EYS: variants seen among roughly 807,000 people sequenced by gnomAD.
EYS encodes EGF-like photoreceptor maintenance factor, also known as protein eyes shut homolog.
EYS carries 250 observed loss-of-function variants against 282.1 expected under a neutral mutation model. The ratio of observed to expected loss-of-function variants is 0.89; its 90% CI spans 0.80 to 0.98. The LOEUF is 0.98. Ranked by LOEUF, EYS falls within the 50% of genes least tolerant of loss-of-function variation. The pLI, the probability that EYS is intolerant of heterozygous loss-of-function variation, is 0.00. For missense variants in EYS, 4,016 were observed against 3,709.0 expected, an observed-to-expected ratio of 1.08 and a Z score of -2.15; for synonymous variants, 1,355 against 1,282.9, an observed-to-expected ratio of 1.06 and a Z score of -1.20.
chr6:65,627,685 G>A (rs1429868067), intron 2 of EYS, among the ~76,000 whole-genome samples: 3 of 152,164 alleles, frequency 2.0e-5, no homozygotes, highest in African/African-American at 7.2e-5. Context: ...CTTAGCACCC[G>A]GGCCAGTGGC....
At chr6:63,879,304 C>A (rs939755215) in intron 35 of EYS, among the ~76,000 whole-genome samples, 1 of 152,026 alleles carries the variant, frequency 6.6e-6, no homozygotes, top group Non-Finnish European at 1.5e-5. Context: ...AATAAGTTAT[C>A]AATATAACTT....
rs180951158 is a variant in EYS, at chr6:65,300,146, A to G, written c.1767-4027T>C. ...TACTTCCCCATGTCCCTCAATATGCAAAATACATTGGATATTCTCTCAGCC... is the reference window on the plus strand; with the variant it reads ...TACTTCCCCATGTCCCTCAATATGCGAAATACATTGGATATTCTCTCAGCC... On this transcript the variant is annotated intron_variant, in intron 11 of 42. Coordinates refer to ENST00000503581, the MANE Select transcript of EYS (RefSeq NM_001142800.2). Among the ~76,000 whole-genome samples the G allele has an allele frequency of 5.4e-4, 82 of 152,252 alleles. No homozygotes were observed. In the East Asian group the frequency reaches 0.015, roughly 27 times the overall value.
chr6:64,640,512 C>T (rs9689484), intron 22 of EYS, among the ~76,000 whole-genome samples: 89,687 of 149,540 alleles, frequency 0.6, 27,069 homozygotes, highest in South Asian at 0.68. Flanking sequence ...AGATGGGAAT[C>T]GAACAATGAG....
At chr6:63,988,237 C>T (rs1474887698) in intron 34 of EYS, among the ~76,000 whole-genome samples, 1 of 151,636 alleles carries the variant, frequency 6.6e-6, no homozygotes, top group African/African-American at 2.4e-5. Context: ...CTTCCTCTCA[C>T]TGAGGATCTC....
intron 12 of EYS, among the ~76,000 whole-genome samples, chr6:65,120,179 T>TA (rs1161824709): frequency 7.1e-6 from 1 of 140,198 alleles, no homozygotes; most frequent in Non-Finnish European, 1.6e-5. Context: ...AAAACAAATT[T>TA]AAAAAAAACC....
intron 30 of EYS, among the ~76,000 whole-genome samples, chr6:64,235,262 CCA>C (rs897054068): frequency 1.3e-5 from 2 of 148,156 alleles, no homozygotes; most frequent in African/African-American, 5.0e-5. Flanking sequence ...ACAACAGTCC[CCA>C]GAGTGTGATG....
Position 64,368,833 on chromosome 6 carries a change from A to G in EYS, c.6078+19857T>C, listed in dbSNP as rs114731742. ...TTTGCTGTATGCATAGTTTTCAAATATTTTCCCTCATTCTGTAGTTTGTTG... is the reference window on the plus strand; with the variant it reads ...TTTGCTGTATGCATAGTTTTCAAATGTTTTCCCTCATTCTGTAGTTTGTTG... On this transcript the variant is annotated intron_variant, in intron 29 of 42. Transcript: ENST00000503581. 9.0e-3 allele frequency among the ~76,000 whole-genome samples: 1,363 copies of G among 152,052 alleles called. 19 individuals are homozygous for G. The highest frequency in any genetic ancestry group is 0.031 in the African/African-American group (1,266 of 41,480).
At chr6:63,865,771 A>C (rs932709490) in intron 35 of EYS, among the ~76,000 whole-genome samples, 3 of 152,120 alleles carry the variant, frequency 2.0e-5, no homozygotes, top group Non-Finnish European at 4.4e-5. Flanking sequence ...TTTTCATCAT[A>C]ATGAGACCTG....
intron 36 of EYS, among the ~76,000 whole-genome samples, chr6:63,853,326 C>T (rs183343188): frequency 1.3e-5 from 2 of 152,196 alleles, no homozygotes; most frequent in East Asian, 1.9e-4. Context: ...ACAAGAATTC[C>T]TATACGTCAA....
At chr6:65,472,787 A>AT (rs1765262216) in intron 5 of EYS, among the ~76,000 whole-genome samples, 1 of 151,808 alleles carries the variant, frequency 6.6e-6, no homozygotes, top group Admixed American at 6.6e-5. Flanking sequence ...AAAACTCACT[A>AT]TTTTTCTTAC....
intron 28 of EYS, among the ~76,000 whole-genome samples, chr6:64,417,613 T>A (rs1330683776): frequency 6.6e-6 from 1 of 151,722 alleles, no homozygotes; most frequent in East Asian, 1.9e-4. Context: ...AATAATATTT[T>A]AAAAATCTAG....
intron 2 of EYS, among the ~76,000 whole-genome samples, chr6:65,550,152 T>TACCTC (rs1768560292): frequency 4.3e-4 from 4 of 9,302 alleles, no homozygotes; most frequent in East Asian, 8.9e-3. Context: ...TCTTTTTTTT[T>TACCTC]TTTTTTTTTT....
At chr6:65,373,671 C>A (rs1346344164) in intron 8 of EYS, among the ~76,000 whole-genome samples, 1 of 151,986 alleles carries the variant, frequency 6.6e-6, no homozygotes, top group Non-Finnish European at 1.5e-5. Context: ...TGATTAATAA[C>A]CTTCAAAAAC....
intron 30 of EYS, among the ~76,000 whole-genome samples, chr6:64,306,440 T>A (rs1234478615): frequency 3.3e-5 from 5 of 152,154 alleles, no homozygotes; most frequent in Non-Finnish European, 5.9e-5. Context: ...TTTTAACCAC[T>A]TCTTACCAAT....
At chr6:64,678,331 A>T (rs1204629932) in intron 22 of EYS, among the ~76,000 whole-genome samples, 1 of 152,228 alleles carries the variant, frequency 6.6e-6, no homozygotes, top group Admixed American at 6.5e-5. Context: ...TAATCCCAGC[A>T]CTGTGGGAGG....
At chr6:65,034,927 C>A (rs958724321) in intron 13 of EYS, among the ~76,000 whole-genome samples, 9 of 151,894 alleles carry the variant, frequency 5.9e-5, no homozygotes, top group African/African-American at 2.2e-4. Flanking sequence ...AAATTTAGAC[C>A]GATATCTCTG....
Position 64,627,013 on chromosome 6 carries a change from T to A in EYS, c.3444-768A>T, listed in dbSNP as rs112622560. On this transcript the variant is annotated intron_variant, in intron 22 of 42. Coordinates refer to ENST00000503581, the MANE Select transcript of EYS (RefSeq NM_001142800.2). ...CAGAGACTATTGTACTTCCTCTTAA[T>A]TTTTAGGGACGCTTTAATAAAAACC... Among the ~76,000 whole-genome samples the A allele has an allele frequency of 6.1e-3, 927 of 152,314 alleles. 3 individuals carry two copies. Among genetic ancestry groups the A allele is most frequent in the Non-Finnish European group, 0.01 (691 of 68,028 alleles).
At chr6:63,912,888 C>T (rs1414273828) in intron 35 of EYS, among the ~76,000 whole-genome samples, 1 of 151,810 alleles carries the variant, frequency 6.6e-6, no homozygotes, top group African/African-American at 2.4e-5. Flanking sequence ...GTGTAGCCCT[C>T]AGAACTGTGA....
At chr6:64,013,837 C>T (rs998494114) in intron 33 of EYS, among the ~76,000 whole-genome samples, 1 of 151,932 alleles carries the variant, frequency 6.6e-6, no homozygotes, top group Non-Finnish European at 1.5e-5. Flanking sequence ...AATTCTTTTT[C>T]TTTTTGGAAT....
Sources: allele counts gnomAD v4.1 joint callset (sites outside exome capture counted in the v4.1 genomes callset), GRCh38; gene constraint gnomAD v4.1.1; transcripts MANE v1.5; gene names NCBI Gene and HGNC (gene_info 2026-07-23, HGNC 2026-07-21).